IGF2BP1: variants seen among roughly 807,000 people sequenced by gnomAD.
IGF2BP1 encodes the protein insulin like growth factor 2 mRNA binding protein 1.
IGF2BP1 carries 11 observed loss-of-function variants against 74.9 expected under a neutral mutation model. The observed-to-expected ratio is 0.15, with a 90% CI of 0.09 to 0.24. IGF2BP1 has a LOEUF of 0.24. Ranked by LOEUF, IGF2BP1 falls within the 10% of genes least tolerant of loss-of-function variation. The probability of loss-of-function intolerance (pLI) is 1.00; values close to 1 mark genes in which losing one functional copy is unlikely to be tolerated. For synonymous variants in IGF2BP1, 287 were observed against 281.8 expected, an observed-to-expected ratio of 1.02 and a Z score of -0.18; for missense variants, 440 against 757.4, an observed-to-expected ratio of 0.58 and a Z score of 4.92.
intron 2 of IGF2BP1, among the ~76,000 whole-genome samples, chr17:49,022,179 A>AT (rs1192384295): frequency 6.6e-6 from 1 of 152,176 alleles, no homozygotes; most frequent in African/African-American, 2.4e-5. Context: ...TTCCATCTGG[A>AT]TCCCCCAAGT....
intron 4 of IGF2BP1, among the ~76,000 whole-genome samples, chr17:49,029,894 A>C: frequency 6.7e-6 from 1 of 148,290 alleles, no homozygotes; most frequent in African/African-American, 2.5e-5. Flanking sequence ...TGATTCTCCC[A>C]CCTCAGACGG....
intron 2 of IGF2BP1, chr17:49,014,802 A>C (rs779898345): frequency 2.0e-6 from 2 of 985,354 alleles, no homozygotes; most frequent in Non-Finnish European, 2.4e-6. Context: ...CCCGAGGAGC[A>C]CGGGGATGTC....
At chr17:49,023,252 A>G (rs2041813435) in intron 2 of IGF2BP1, among the ~76,000 whole-genome samples, 1 of 152,224 alleles carries the variant, frequency 6.6e-6, no homozygotes, top group South Asian at 2.1e-4. Flanking sequence ...GTCCTGCTAT[A>G]ATCTGACTTA....
At chr17:48,999,432 A>T (rs2041457526) in intron 2 of IGF2BP1, among the ~76,000 whole-genome samples, 1 of 152,140 alleles carries the variant, frequency 6.6e-6, no homozygotes, top group South Asian at 2.1e-4. Flanking sequence ...AAAGAAAATC[A>T]ATAGGGGAGA....
At chr17:49,013,889 G>A (rs2143979201) in intron 2 of IGF2BP1, 1 of 152,316 alleles carries the variant, frequency 6.6e-6, no homozygotes, top group East Asian at 1.9e-4. Context: ...GGCGCCCAAG[G>A]GGGCTTTGGC....
At chr17:49,033,548 G>A (rs1183806231) in intron 5 of IGF2BP1, among the ~76,000 whole-genome samples, 1 of 151,874 alleles carries the variant, frequency 6.6e-6, no homozygotes. Context: ...TCACCATGTT[G>A]GCCAGGATGG....
intron 2 of IGF2BP1, among the ~76,000 whole-genome samples, chr17:48,999,677 A>G (rs2041460942): frequency 6.6e-6 from 1 of 151,618 alleles, no homozygotes; most frequent in Admixed American, 6.6e-5. Flanking sequence ...CTTTATTTAT[A>G]TTTCTACAAC....
At chr17:49,035,955 G>A (rs542742414) in intron 5 of IGF2BP1, among the ~76,000 whole-genome samples, 1 of 152,308 alleles carries the variant, frequency 6.6e-6, no homozygotes, top group Non-Finnish European at 1.5e-5. Flanking sequence ...TGGAGGCCGC[G>A]GCTCCAGGCT....
At chr17:49,014,915 G>A in intron 2 of IGF2BP1, 1 of 985,342 alleles carries the variant, frequency 1.0e-6, no homozygotes, top group Non-Finnish European at 1.2e-6. Flanking sequence ...CACCTCGGCT[G>A]TTCCCTCTGG....
chr17:49,043,619 A>G (rs1349193671), intron 10 of IGF2BP1, 69 bp downstream of exon 10: 1 of 1,563,286 alleles, frequency 6.4e-7, no homozygotes, highest in Non-Finnish European at 8.7e-7. Context: ...GGGACTCAGC[A>G]TGCTCTGGGA....
chr17:49,047,567 G>A (rs2042119659), intron 14 of IGF2BP1, among the ~76,000 whole-genome samples: 2 of 151,634 alleles, frequency 1.3e-5, no homozygotes. Context: ...CATAAAGCCA[G>A]GATATATTAA....
intron 1 of IGF2BP1, among the ~76,000 whole-genome samples, chr17:48,998,559 G>A (rs575131266): frequency 1.3e-5 from 2 of 152,274 alleles, no homozygotes; most frequent in South Asian, 4.1e-4. Context: ...CGCCGAGGCT[G>A]GGCCGAGAGG....
chr17:49,037,595 A>T (rs559443386), intron 5 of IGF2BP1, among the ~76,000 whole-genome samples: 92 of 152,330 alleles, frequency 6.0e-4, no homozygotes, highest in African/African-American at 1.9e-3. Context: ...CAAAAACGAA[A>T]ATAAACCCCA....
chr17:49,003,212 G>T (rs1159921754), intron 2 of IGF2BP1, among the ~76,000 whole-genome samples: 1 of 152,094 alleles, frequency 6.6e-6, no homozygotes, highest in Non-Finnish European at 1.5e-5. Flanking sequence ...TGATTCAAAG[G>T]TTCTGAGCTT....
intron 5 of IGF2BP1, among the ~76,000 whole-genome samples, chr17:49,034,620 C>G (rs1229051451): frequency 6.6e-6 from 1 of 151,400 alleles, no homozygotes; most frequent in African/African-American, 2.4e-5. Flanking sequence ...ACATGCCCAG[C>G]AGGTTGAAGT....
At chr17:49,035,212 A>G (rs192319428) in intron 5 of IGF2BP1, among the ~76,000 whole-genome samples, 1 of 152,388 alleles carries the variant, frequency 6.6e-6, no homozygotes, top group Admixed American at 6.5e-5. Context: ...GGTGTTTTCA[A>G]CAAATGATGC....
intron 2 of IGF2BP1, among the ~76,000 whole-genome samples, chr17:49,020,376 C>A (rs1332165512): frequency 6.6e-6 from 1 of 152,058 alleles, no homozygotes; most frequent in African/African-American, 2.4e-5. Flanking sequence ...AATTAACACG[C>A]CAGGCTCTGA....
At chr17:49,004,492 T>G (rs1471934499) in intron 2 of IGF2BP1, 1 of 152,232 alleles carries the variant, frequency 6.6e-6, no homozygotes, top group Non-Finnish European at 1.5e-5. Context: ...GCTGTTCCTC[T>G]CTCCCAGTAG....
intron 1 of IGF2BP1, 40 bp from the exon 2 acceptor site, chr17:48,999,069 G>GTTGGGGGCAGGGAGGGAAGA: frequency 7.8e-7 from 1 of 1,287,272 alleles, no homozygotes; most frequent in Non-Finnish European, 1.1e-6. Flanking sequence ...CCCAACCCCT[G>GTTGGGGGCAGGGAGGGAAGA]TTCAAGCTCT....
Sources: allele counts gnomAD v4.1 joint callset (sites outside exome capture counted in the v4.1 genomes callset), GRCh38; gene constraint gnomAD v4.1.1; transcripts MANE v1.5; gene names NCBI Gene and HGNC (gene_info 2026-07-23, HGNC 2026-07-21).